PEX7: variants seen among roughly 807,000 people sequenced by gnomAD.
The protein encoded by PEX7 is PTS2 receptor.
In PEX7, 34 loss-of-function variants were observed where a neutral mutation model predicts 47.5. The ratio of observed to expected loss-of-function variants is 0.72; its 90% CI spans 0.54 to 0.95. PEX7 has a LOEUF of 0.95. Ranked by LOEUF, PEX7 falls within the 40% of genes least tolerant of loss-of-function variation. The probability of loss-of-function intolerance (pLI) is 0.00; values close to 1 mark genes in which losing one functional copy is unlikely to be tolerated. For missense variants in PEX7, 394 were observed against 400.3 expected, an observed-to-expected ratio of 0.98 and a Z score of 0.13; for synonymous variants, 141 against 148.8, an observed-to-expected ratio of 0.95 and a Z score of 0.38.
At chr6:136,903,501 T>C (rs946923148) in intron 9 of PEX7, among the ~76,000 whole-genome samples, 1 of 151,962 alleles carries the variant, frequency 6.6e-6, no homozygotes, top group Non-Finnish European at 1.5e-5. Context: ...TGAATGAATA[T>C]CTGAATCTGT....
intron 3 of PEX7, among the ~76,000 whole-genome samples, chr6:136,835,740 G>A (rs745921226): frequency 2.0e-5 from 3 of 152,100 alleles, no homozygotes; most frequent in African/African-American, 7.2e-5. Flanking sequence ...AATGACCTTC[G>A]TAAGTGTGTT....
At chr6:136,830,025 G>GT in intron 3 of PEX7, 1 of 715,048 alleles carries the variant, frequency 1.4e-6, no homozygotes, top group Non-Finnish European at 2.6e-6. Flanking sequence ...GGGAAGCTGT[G>GT]TTGTGAAATA....
At chr6:136,855,756 A>C (rs892159532) in intron 5 of PEX7, 1 of 396,688 alleles carries the variant, frequency 2.5e-6, no homozygotes, top group Non-Finnish European at 4.9e-6. Context: ...CCTGAGTTTT[A>C]AAAAGGATAT....
intron 5 of PEX7, chr6:136,855,796 A>G (rs1280729477): frequency 3.0e-6 from 1 of 331,326 alleles, no homozygotes; most frequent in Non-Finnish European, 5.8e-6. Context: ...TGACCAGTAA[A>G]GACATACATC....
Position 136,872,226 on chromosome 6 carries a change from C to T in PEX7, c.776C>T (p.Ala259Val), listed in dbSNP as rs746546028. The T allele has an allele frequency of 1.4e-5, 23 of 1,607,146 alleles. No homozygotes were observed. The South Asian group carries it at 2.5e-4, about 18-fold the overall frequency. Residue 259 changes from alanine to valine, a missense_variant, in exon 8 of 10, where the codon GCC becomes GTC. Physicochemically the swap from Ala to Val is moderately conservative, Grantham distance 64. Coordinates refer to ENST00000318471, the MANE Select transcript of PEX7 (RefSeq NM_000288.4). ...TCACCATTTCATGCTTCTGTGCTGGCCTCTTGCTCGTATGATTTTACTGTA... is the reference window on the plus strand; with the variant it reads ...TCACCATTTCATGCTTCTGTGCTGGTCTCTTGCTCGTATGATTTTACTGTA... ...KFSPFHASVL[A>V]SCSYDFTVRF...
intron 9 of PEX7, among the ~76,000 whole-genome samples, chr6:136,907,160 T>C (rs1775858742): frequency 6.6e-6 from 1 of 152,186 alleles, no homozygotes. Context: ...TCTTTCCTTC[T>C]CTGCTTCAGT....
At chr6:136,911,911 A>G (rs1775939827) in intron 9 of PEX7, among the ~76,000 whole-genome samples, 1 of 152,224 alleles carries the variant, frequency 6.6e-6, no homozygotes, top group Non-Finnish European at 1.5e-5. Context: ...CCTACCAGCA[A>G]TGTATGTGAT....
intron 3 of PEX7, among the ~76,000 whole-genome samples, chr6:136,832,187 C>T (rs1228143024): frequency 1.3e-5 from 2 of 152,280 alleles, no homozygotes; most frequent in African/African-American, 4.8e-5. Flanking sequence ...TTCTTGTCTT[C>T]TGTGTACCCA....
chr6:136,893,288 C>T (rs1265841810), intron 8 of PEX7, among the ~76,000 whole-genome samples: 1 of 152,014 alleles, frequency 6.6e-6, no homozygotes, highest in East Asian at 1.9e-4. Context: ...GAACATTCTT[C>T]CCTTTCCCTG....
Position 136,834,966 on chromosome 6 carries a change from G to A in PEX7, c.339+8497G>A, listed in dbSNP as rs1352948661. Among the ~76,000 whole-genome samples the A allele has an allele frequency of 2.0e-5, 3 of 151,864 alleles. No homozygotes were observed. The East Asian group carries it at 5.8e-4, about 29-fold the overall frequency. On this transcript the variant is annotated intron_variant, in intron 3 of 9. Transcript: ENST00000318471. The stretch of plus-strand genomic sequence containing the variant: ...TTTTTTGTTTTTTTTTGAGATGGAG[G>A]TTCACTCTTGTTGCCCAGGCTGGAG...
At chr6:136,833,387 C>A (rs138385607) in intron 3 of PEX7, among the ~76,000 whole-genome samples, 3 of 152,162 alleles carry the variant, frequency 2.0e-5, no homozygotes, top group Non-Finnish European at 4.4e-5. Context: ...AGATGAGATC[C>A]GTATCAGGTG....
At chr6:136,837,899 T>A (rs375133672) in intron 3 of PEX7, among the ~76,000 whole-genome samples, 7 of 152,210 alleles carry the variant, frequency 4.6e-5, no homozygotes, top group East Asian at 3.9e-4. Flanking sequence ...AGGAAAAATG[T>A]AGTCACCATT....
intron 6 of PEX7, among the ~76,000 whole-genome samples, chr6:136,868,483 A>G (rs1775114111): frequency 6.6e-6 from 1 of 152,130 alleles, no homozygotes; most frequent in South Asian, 2.1e-4. Context: ...TTCAATGCTG[A>G]TGACTATAGT....
chr6:136,863,502 A>G (rs994725354), intron 5 of PEX7, among the ~76,000 whole-genome samples: 3 of 152,324 alleles, frequency 2.0e-5, no homozygotes, highest in African/African-American at 7.2e-5. Context: ...AGTATTACCA[A>G]AATGCAAACT....
intron 3 of PEX7, chr6:136,830,297 T>C: frequency 2.6e-6 from 1 of 385,162 alleles, no homozygotes; most frequent in East Asian, 4.2e-5. Context: ...GTTTGAAAAA[T>C]GTAAAACAAG....
At chr6:136,884,938 A>T (rs971924974) in intron 8 of PEX7, among the ~76,000 whole-genome samples, 1 of 152,238 alleles carries the variant, frequency 6.6e-6, no homozygotes, top group Non-Finnish European at 1.5e-5. Flanking sequence ...CATGAATGTT[A>T]TCATCGTAGA....
At chr6:136,881,267 G>A (rs1775372068) in intron 8 of PEX7, among the ~76,000 whole-genome samples, 1 of 152,184 alleles carries the variant, frequency 6.6e-6, no homozygotes, top group South Asian at 2.1e-4. Context: ...GCTGTGGGAG[G>A]AGGGGCTTTC....
At chr6:136,838,256 A>G (rs117723599) in intron 3 of PEX7, among the ~76,000 whole-genome samples, 2 of 152,350 alleles carry the variant, frequency 1.3e-5, no homozygotes, top group Middle Eastern at 3.4e-3. Context: ...GCTAAAAAAC[A>G]TGAACTGAAT....
At chr6:136,910,952 C>T (rs1348286929) in intron 9 of PEX7, among the ~76,000 whole-genome samples, 2 of 152,158 alleles carry the variant, frequency 1.3e-5, no homozygotes, top group African/African-American at 4.8e-5. Flanking sequence ...TTCCTGTACT[C>T]TCACACATCG....
Sources: allele counts gnomAD v4.1 joint callset (sites outside exome capture counted in the v4.1 genomes callset), GRCh38; gene constraint gnomAD v4.1.1; transcripts MANE v1.5; gene names NCBI Gene and HGNC (gene_info 2026-07-23, HGNC 2026-07-21).